NLRP9: variants seen among roughly 807,000 people sequenced by gnomAD.
The protein encoded by NLRP9 is NACHT, LRR and PYD domains-containing protein 9.
In NLRP9, 88 loss-of-function variants were observed where a neutral mutation model predicts 83.1. The observed-to-expected ratio is 1.06, with a 90% CI of 0.89 to 1.26. The LOEUF is 1.26. Ranked by LOEUF, NLRP9 falls within the 50% of genes most tolerant of loss-of-function variation. The probability of loss-of-function intolerance (pLI) is 0.00; values close to 1 mark genes in which losing one functional copy is unlikely to be tolerated. For missense variants in NLRP9, 1,308 were observed against 1,179.3 expected (o/e 1.11, Z -1.60); for synonymous variants, 521 against 447.6 (o/e 1.16, Z -2.07).
rs777530714 is a variant in NLRP9 at position 55,712,439 on chromosome 19, A to C, written c.2653T>G (p.Cys885Gly). 1 of 1,612,738 alleles carries C rather than the reference A, an allele frequency of 6.2e-7. No individual in the cohort carries two copies. Among genetic ancestry groups the C allele is most frequent in the Non-Finnish European group, 8.5e-7 (1 of 1,179,766 alleles). Residue 885 changes from cysteine to glycine, a missense_variant, in exon 7 of 9, where the codon TGT becomes GGT. Cys to Gly is a radical substitution (Grantham distance 159). Transcript: ENST00000332836. ...ACTCACCCGAGACACTCTAATTTAC[A>C]GTGAGGATGCTGCAAAGCTGCACAT... ...QLCAALQHPH[C>G]KLECLGLQTC... is the part of the protein sequence containing the mutation.
In NLRP9 at chr19:55,709,168, G is replaced by C. The variant is rs565726914; in HGVS notation, c.2844-124C>G. ...TTTCCTAGAAATCACTGGGAGAATT[G>C]TACTGAATTTGAAAAACAAGCATGA... On this transcript the variant is annotated intron_variant, in intron 8 of 8. Coordinates refer to ENST00000332836, the MANE Select transcript of NLRP9 (RefSeq NM_176820.4). 7 of 631,376 alleles carry C rather than the reference G, an allele frequency of 1.1e-5. No individual in the cohort carries two copies. In the South Asian group the frequency reaches 1.2e-4, roughly 11 times the overall value. 39.1% of individuals were successfully genotyped at this position (631,376 alleles called of 1,614,324 possible). A position where few individuals can be genotyped will look rare whatever the true frequency, so the allele number is the denominator to read the frequency against.
Position 55,711,828 on chromosome 19 carries a change from G to A in NLRP9, c.2815C>T (p.His939Tyr), listed in dbSNP as rs1429663852. The stretch of plus-strand genomic sequence containing the variant: ...AGCATCTGCAGGGCACAGTCCGGGT[G>A]GCTCAATGCCTCACACAGCACCACC... ...AVVVLCEALS[H>Y]PDCALQMLGL... Residue 939 changes from histidine to tyrosine, a missense_variant, in exon 8 of 9, where the codon CAC becomes TAC. Transcript: ENST00000332836. 6.2e-7 allele frequency: 1 copy of A among 1,613,306 alleles called. No individual in the cohort carries two copies.
intron 2 of NLRP9, among the ~76,000 whole-genome samples, chr19:55,730,305 A>G (rs1600140448): frequency 1.3e-5 from 2 of 152,206 alleles, no homozygotes; most frequent in African/African-American, 2.4e-5. Context: ...AATTTAAAAA[A>G]TTAGACAGAT....
chr19:55,729,189 C>T (rs1325082808), intron 3 of NLRP9, among the ~76,000 whole-genome samples: 10 of 150,780 alleles, frequency 6.6e-5, no homozygotes, highest in African/African-American at 2.0e-4. Flanking sequence ...CAGGACTGCT[C>T]GCTCTCTGGC....
At chr19:55,721,684 A>T (rs1028598410) in intron 4 of NLRP9, among the ~76,000 whole-genome samples, 2 of 151,928 alleles carry the variant, frequency 1.3e-5, no homozygotes, top group African/African-American at 4.8e-5. Flanking sequence ...CCCAAATCTC[A>T]TCCTGTAGCT....
chr19:55,724,575 G>A (rs1988343247), intron 3 of NLRP9, among the ~76,000 whole-genome samples: 1 of 151,382 alleles, frequency 6.6e-6, no homozygotes, highest in African/African-American at 2.4e-5. Flanking sequence ...ACCCATTTCT[G>A]TTTTAAAATT....
In NLRP9 at chr19:55,733,210, C is replaced by T. The variant is rs776781826; in HGVS notation, c.621G>A (p.Pro207=). The change falls in exon 2 of 9, where the codon CCG becomes CCA. Residue 207 remains proline (P), a synonymous_variant. Coordinates refer to ENST00000332836, the MANE Select transcript of NLRP9 (RefSeq NM_176820.4). ...SLLELLSRDW[P]ESSEKIEDIF... ...TGTCTTCGATCTTCTCTGAAGACTC[C>T]GGCCAGTCCCTAGAGAGGAGCTCCA... The T allele has an allele frequency of 2.6e-5, 42 of 1,612,974 alleles. No individual in the cohort carries two copies. Among genetic ancestry groups the T allele is most frequent in the Non-Finnish European group, 3.4e-5 (40 of 1,179,268 alleles).
chr19:55,735,541 A>T (rs1988762623), intron 1 of NLRP9, among the ~76,000 whole-genome samples: 1 of 152,066 alleles, frequency 6.6e-6, no homozygotes, highest in Middle Eastern at 3.4e-3. Flanking sequence ...ATTACTCTAC[A>T]TTTTTCTTCT....
chr19:55,717,325 G>A (rs571749856), intron 4 of NLRP9, among the ~76,000 whole-genome samples: 8 of 152,190 alleles, frequency 5.3e-5, no homozygotes, highest in Non-Finnish European at 8.8e-5. Context: ...GAGCCACCGC[G>A]CCCGGCCACA....
At chr19:55,723,709 C>G (rs961109016) in intron 4 of NLRP9, among the ~76,000 whole-genome samples, 9 of 115,046 alleles carry the variant, frequency 7.8e-5, no homozygotes, top group African/African-American at 3.1e-4. Context: ...GCCTGGGCAA[C>G]AGAGTGAGAC....
chr19:55,729,050 CTTTTTTTTTTT>C (rs374589373), intron 3 of NLRP9, among the ~76,000 whole-genome samples: 147 of 70,262 alleles, frequency 2.1e-3, no homozygotes, highest in African/African-American at 7.5e-3. Context: ...TTTTCTTTTT[CTTTTTTTTTTT>C]TTTTTTTTTT....
intron 3 of NLRP9, among the ~76,000 whole-genome samples, chr19:55,729,291 TTTG>T (rs577608170): frequency 2.9e-3 from 437 of 151,830 alleles, no homozygotes; most frequent in Admixed American, 4.5e-3. Context: ...AACGTGCAGG[TTTG>T]TTACTTATGT....
intron 3 of NLRP9, among the ~76,000 whole-genome samples, chr19:55,729,514 C>T (rs1988507535): frequency 6.6e-6 from 1 of 152,084 alleles, no homozygotes; most frequent in Admixed American, 6.6e-5. Flanking sequence ...CGATAGTTTG[C>T]TGAGAATGAT....
intron 6 of NLRP9, 68 bp from the exon 7 acceptor site, chr19:55,712,658 C>A: frequency 1.5e-6 from 2 of 1,323,912 alleles, no homozygotes; most frequent in African/African-American, 1.5e-5. Context: ...ACCTTATTTT[C>A]ATTTATTCAT....
intron 4 of NLRP9, among the ~76,000 whole-genome samples, chr19:55,717,389 G>A (rs1460852019): frequency 6.6e-6 from 1 of 152,134 alleles, no homozygotes; most frequent in Non-Finnish European, 1.5e-5. Context: ...CATTAATCCC[G>A]TAGGTTTGCA....
Position 55,732,487 on chromosome 19 carries a change from G to T in NLRP9, c.1344C>A (p.Ile448=). 4.3e-6 allele frequency: 7 copies of T among 1,614,192 alleles called. No individual in the cohort carries two copies. The highest frequency in any genetic ancestry group is 5.9e-6 in the Non-Finnish European group (7 of 1,180,020). The change falls in exon 2 of 9, where the codon ATC becomes ATA. Residue 448 remains isoleucine (I), a synonymous_variant. Transcript: ENST00000332836. ...AAAACATGGCGGCACAAAACTCTTGGATACACAGATGCATGAAGGCAAAAC... is the reference window on the plus strand; with the variant it reads ...AAAACATGGCGGCACAAAACTCTTGTATACACAGATGCATGAAGGCAAAAC... The part of the protein sequence containing the change: ...GDCFAFMHLC[I]QEFCAAMFYL...
At chr19:55,729,583 G>C (rs1008061855) in intron 3 of NLRP9, among the ~76,000 whole-genome samples, 1 of 151,966 alleles carries the variant, frequency 6.6e-6, no homozygotes, top group Non-Finnish European at 1.5e-5. Flanking sequence ...TTTTATGGCT[G>C]CATAGTATTC....
rs568593996 is a variant in NLRP9 at position 55,738,355 on chromosome 19, G to GA, written c.19dup (p.Ser7PhefsTer21). 1,250 of 1,609,594 alleles carry GA rather than the reference G, an allele frequency of 7.8e-4. 3 individuals carry two copies. Among genetic ancestry groups the GA allele is most frequent in the East Asian group, 3.2e-3 (143 of 44,862 alleles). On this transcript the variant is annotated frameshift_variant, in exon 1 of 9. Coordinates refer to ENST00000332836, the MANE Select transcript of NLRP9 (RefSeq NM_176820.4). LOFTEE classifies it high-confidence loss of function. ...CAGATACCACAACAAGCCAAAATCC[G>GA]AAAAAAAAGATTCTGCCATATCGCC...
intron 3 of NLRP9, among the ~76,000 whole-genome samples, chr19:55,729,011 T>A (rs1426508053): frequency 2.0e-5 from 3 of 151,882 alleles, no homozygotes; most frequent in Admixed American, 6.6e-5. Flanking sequence ...CACTCTGTTT[T>A]ATGAATGCTA....
Sources: allele counts gnomAD v4.1 joint callset (sites outside exome capture counted in the v4.1 genomes callset), GRCh38; gene constraint gnomAD v4.1.1; transcripts MANE v1.5; gene names NCBI Gene and HGNC (gene_info 2026-07-23, HGNC 2026-07-21).